PNLIPRP3: variants seen among roughly 807,000 people sequenced by gnomAD.
The protein encoded by PNLIPRP3 is pancreatic lipase related protein 3, also known as pancreatic lipase-related protein 3.
Under a neutral mutation model 52.8 loss-of-function variants are expected in PNLIPRP3, and 58 were observed. The ratio of observed to expected loss-of-function variants is 1.10; its 90% CI spans 0.89 to 1.37. The LOEUF is 1.37. PNLIPRP3 is among the 40% of genes most tolerant of loss of function. The pLI is 0.00. For missense variants in PNLIPRP3, 593 were observed against 561.6 expected (o/e 1.06, Z -0.57); for synonymous variants, 192 against 185.0 (o/e 1.04, Z -0.31).
chr10:116,463,528 T>C (rs1161541689), intron 7 of PNLIPRP3, among the ~76,000 whole-genome samples: 1 of 152,182 alleles, frequency 6.6e-6, no homozygotes, highest in Non-Finnish European at 1.5e-5. Flanking sequence ...CCTTAGAACT[T>C]AACCAATGTC....
chr10:116,466,282 T>G, intron 8 of PNLIPRP3, 114 bp downstream of exon 8: 2 of 683,276 alleles, frequency 2.9e-6, no homozygotes, highest in South Asian at 3.8e-5. Context: ...CCTGCCATTT[T>G]GGGAAATAAT....
intron 7 of PNLIPRP3, among the ~76,000 whole-genome samples, chr10:116,462,850 C>T (rs1846215979): frequency 6.6e-6 from 1 of 152,106 alleles, no homozygotes. Context: ...CATAAGCTAT[C>T]ATTTTGAGAC....
intron 9 of PNLIPRP3, 106 bp from the exon 10 acceptor site, chr10:116,471,662 A>G: frequency 1.1e-6 from 1 of 905,676 alleles, no homozygotes; most frequent in Non-Finnish European, 1.8e-6. Context: ...GCACTGTTCA[A>G]ATACAACCCT....
intron 5 of PNLIPRP3, among the ~76,000 whole-genome samples, chr10:116,456,635 A>G (rs973160085): frequency 6.6e-6 from 1 of 152,226 alleles, no homozygotes; most frequent in Non-Finnish European, 1.5e-5. Flanking sequence ...CAAAGTATAT[A>G]GCATGAATTG....
chr10:116,431,087 C>T (rs1156487642), intron 1 of PNLIPRP3, among the ~76,000 whole-genome samples: 2 of 152,194 alleles, frequency 1.3e-5, no homozygotes, highest in African/African-American at 4.8e-5. Context: ...TGTCATACCT[C>T]ACTGCCAATC....
rs545660114 is a variant in PNLIPRP3 at position 116,447,000 on chromosome 10, G to A, written c.456+2487G>A. 1.3e-4 allele frequency among the ~76,000 whole-genome samples: 20 copies of A among 152,086 alleles called. No homozygotes were observed. The South Asian group carries it at 4.0e-3, about 30-fold the overall frequency. On this transcript the variant is annotated intron_variant, in intron 4 of 11. Coordinates refer to ENST00000369230, the MANE Select transcript of PNLIPRP3 (RefSeq NM_001011709.3). ...AACCCAGAATATTTTAGTATCTAGG[G>A]GCCAATGAGAACAAAGATGGGAAGA...
At chr10:116,441,373 C>T (rs895389839) in intron 2 of PNLIPRP3, among the ~76,000 whole-genome samples, 3 of 152,154 alleles carry the variant, frequency 2.0e-5, no homozygotes, top group African/African-American at 7.2e-5. Flanking sequence ...ATGCTATTCT[C>T]ATGTTGAGAA....
At chr10:116,475,834 G>A (rs1476167420) in intron 10 of PNLIPRP3, among the ~76,000 whole-genome samples, 2 of 152,134 alleles carry the variant, frequency 1.3e-5, no homozygotes, top group South Asian at 2.1e-4. Flanking sequence ...GCAACATGGG[G>A]ACAAATTTAG....
intron 1 of PNLIPRP3, among the ~76,000 whole-genome samples, chr10:116,436,378 A>G (rs1055022144): frequency 6.6e-6 from 1 of 152,216 alleles, no homozygotes; most frequent in Non-Finnish European, 1.5e-5. Flanking sequence ...TAAGACTTGA[A>G]ATTATAAAAC....
At chr10:116,453,575 G>T (rs1846069950) in intron 4 of PNLIPRP3, among the ~76,000 whole-genome samples, 1 of 152,060 alleles carries the variant, frequency 6.6e-6, no homozygotes, top group African/African-American at 2.4e-5. Context: ...TAGATCATGG[G>T]GATGAATCTC....
chr10:116,444,584 AT>A, intron 4 of PNLIPRP3, 71 bp downstream of exon 4: 1 of 1,438,290 alleles, frequency 7.0e-7, no homozygotes, highest in East Asian at 2.3e-5. Flanking sequence ...AGTTGGGACA[AT>A]TTAATGTCTT....
intron 1 of PNLIPRP3, among the ~76,000 whole-genome samples, chr10:116,433,061 C>G (rs1012845789): frequency 2.5e-5 from 3 of 121,386 alleles, no homozygotes; most frequent in African/African-American, 6.3e-5. Flanking sequence ...TTGCAGTGAG[C>G]TGAGATCGTG....
chr10:116,434,319 C>T (rs1289688072), intron 1 of PNLIPRP3, among the ~76,000 whole-genome samples: 3 of 152,114 alleles, frequency 2.0e-5, no homozygotes, highest in African/African-American at 7.2e-5. Flanking sequence ...TTTTCCATTA[C>T]AGATATTATT....
intron 4 of PNLIPRP3, among the ~76,000 whole-genome samples, chr10:116,455,013 A>G (rs552114258): frequency 2.1e-4 from 32 of 152,306 alleles, no homozygotes; most frequent in Admixed American, 1.0e-3. Context: ...ACAGTGTTCA[A>G]GTTTTCCCTT....
At chr10:116,428,109 T>C (rs758792731) in intron 1 of PNLIPRP3, 48 bp downstream of exon 1, 1 of 1,304,972 alleles carries the variant, frequency 7.7e-7, no homozygotes. Flanking sequence ...ATGAGTATAC[T>C]TACATCTAAA....
intron 2 of PNLIPRP3, among the ~76,000 whole-genome samples, chr10:116,438,229 A>G (rs1197928984): frequency 6.6e-6 from 1 of 152,204 alleles, no homozygotes; most frequent in East Asian, 1.9e-4. Context: ...TTGCAAATTG[A>G]AACCCAAAGA....
intron 4 of PNLIPRP3, among the ~76,000 whole-genome samples, chr10:116,446,514 T>C (rs1845954328): frequency 6.6e-6 from 1 of 152,136 alleles, no homozygotes; most frequent in South Asian, 2.1e-4. Context: ...AAATGGAATA[T>C]TTGATCAAAT....
At chr10:116,443,012 T>A in intron 2 of PNLIPRP3, 43 bp from the exon 3 acceptor site, 1 of 1,413,788 alleles carries the variant, frequency 7.1e-7, no homozygotes, top group South Asian at 1.6e-5. Context: ...ATTAAATAAT[T>A]TTTAATTATT....
At chr10:116,442,848 A>G (rs1845877390) in intron 2 of PNLIPRP3, among the ~76,000 whole-genome samples, 1 of 152,204 alleles carries the variant, frequency 6.6e-6, no homozygotes, top group East Asian at 1.9e-4. Flanking sequence ...TGGGCAACAC[A>G]GTGAGACACT....
Sources: allele counts gnomAD v4.1 joint callset (sites outside exome capture counted in the v4.1 genomes callset), GRCh38; gene constraint gnomAD v4.1.1; transcripts MANE v1.5; gene names NCBI Gene and HGNC (gene_info 2026-07-23, HGNC 2026-07-21).